ERBB4: variants seen among roughly 807,000 people sequenced by gnomAD.
The protein encoded by ERBB4 is erb-b2 receptor tyrosine kinase 4.
A neutral mutation model predicts 158.0 loss-of-function variants in ERBB4; 42 were observed. That is an observed-to-expected ratio of 0.27 (90% CI 0.21 to 0.34). The LOEUF is 0.34. ERBB4 is among the 10% of genes least tolerant of loss of function. ERBB4 has a pLI of 1.00. For missense variants in ERBB4, 1,333 were observed against 1,624.1 expected (o/e 0.82, Z 3.08); for synonymous variants, 583 against 558.7 (o/e 1.04, Z -0.61).
At chr2:212,097,529 T>C (rs1478339743) in intron 2 of ERBB4, among the ~76,000 whole-genome samples, 2 of 152,116 alleles carry the variant, frequency 1.3e-5, no homozygotes, top group Non-Finnish European at 2.9e-5. Context: ...TAAATGTGGA[T>C]TTAAGAGATA....
chr2:211,391,833 G>A (rs1418176791), intron 25 of ERBB4, among the ~76,000 whole-genome samples: 1 of 152,022 alleles, frequency 6.6e-6, no homozygotes, highest in East Asian at 1.9e-4. Flanking sequence ...TGTATCTTGT[G>A]ATATTTTTAA....
chr2:212,086,954 T>C lies in ERBB4; in HGVS notation c.234+37798A>G, dbSNP rs1360426666. Among the ~76,000 whole-genome samples the C allele has an allele frequency of 2.6e-5, 4 of 152,014 alleles. No homozygotes were observed. The East Asian group carries it at 7.7e-4, about 29-fold the overall frequency. Reference sequence around the variant, plus strand: ...CTGGGAGGCTTCCAACAGTTTCGAATAGAGCCTGTTAGAGACATTACCTCC... The same window carrying C: ...CTGGGAGGCTTCCAACAGTTTCGAACAGAGCCTGTTAGAGACATTACCTCC... On this transcript the variant is annotated intron_variant, in intron 2 of 27. Transcript: ENST00000342788.
At chr2:211,730,485 C>G (rs1295057815) in intron 5 of ERBB4, among the ~76,000 whole-genome samples, 1 of 151,940 alleles carries the variant, frequency 6.6e-6, no homozygotes, top group Non-Finnish European at 1.5e-5. Context: ...CCTCTGTCTT[C>G]TCTCCTTCAG....
intron 3 of ERBB4, among the ~76,000 whole-genome samples, chr2:211,807,165 T>G (rs1024884876): frequency 3.3e-5 from 5 of 152,074 alleles, no homozygotes; most frequent in African/African-American, 1.2e-4. Context: ...TAATTATACT[T>G]TAAGTTCTAG....
intron 3 of ERBB4, among the ~76,000 whole-genome samples, chr2:211,866,308 C>G (rs2078204633): frequency 6.6e-6 from 1 of 152,136 alleles, no homozygotes; most frequent in South Asian, 2.1e-4. Flanking sequence ...GGGTTCCACT[C>G]TGAACTTATG....
intron 20 of ERBB4, among the ~76,000 whole-genome samples, chr2:211,446,736 A>C (rs554207276): frequency 2.1e-4 from 32 of 152,162 alleles, no homozygotes; most frequent in Non-Finnish European, 3.7e-4. Context: ...GAATCAGATA[A>C]AAAAGTGTAT....
intron 1 of ERBB4, among the ~76,000 whole-genome samples, chr2:212,485,570 T>C (rs1689928298): frequency 6.6e-6 from 1 of 152,176 alleles, no homozygotes; most frequent in South Asian, 2.1e-4. Context: ...TACTCCAAGA[T>C]GAATATGTCA....
At chr2:211,985,148 C>T (rs1163042146) in intron 2 of ERBB4, among the ~76,000 whole-genome samples, 1 of 152,106 alleles carries the variant, frequency 6.6e-6, no homozygotes, top group African/African-American at 2.4e-5. Context: ...AGACTCTTAC[C>T]ACTGTCGGAA....
At chr2:211,902,633 G>A (rs981261657) in intron 3 of ERBB4, among the ~76,000 whole-genome samples, 4 of 151,292 alleles carry the variant, frequency 2.6e-5, no homozygotes, top group Non-Finnish European at 5.9e-5. Flanking sequence ...AAATATCTGG[G>A]CAAATAAAGT....
intron 2 of ERBB4, among the ~76,000 whole-genome samples, chr2:212,063,699 TAAAATCAACGAAATAAAC>T (rs1436110583): frequency 1.3e-5 from 2 of 151,980 alleles, no homozygotes; most frequent in Non-Finnish European, 2.9e-5. Flanking sequence ...CAAAACCTAA[TAAAATCAACGAAATAAAC>T]AAAAAGCCAT....
chr2:212,268,146 G>A (rs1300964641), intron 1 of ERBB4, among the ~76,000 whole-genome samples: 1 of 151,838 alleles, frequency 6.6e-6, no homozygotes, highest in Non-Finnish European at 1.5e-5. Context: ...AGTTTGGGAG[G>A]GGGAGCAGAA....
intron 3 of ERBB4, among the ~76,000 whole-genome samples, chr2:211,934,623 A>G (rs983817464): frequency 1.3e-5 from 2 of 151,986 alleles, no homozygotes; most frequent in African/African-American, 4.8e-5. Context: ...GATTTATAGA[A>G]GACATCACCC....
chr2:211,775,273 G>T (rs556178397), intron 4 of ERBB4, among the ~76,000 whole-genome samples: 2 of 152,112 alleles, frequency 1.3e-5, no homozygotes, highest in African/African-American at 4.8e-5. Context: ...TGAGTAGCTC[G>T]TCTGGTTTTG....
intron 3 of ERBB4, among the ~76,000 whole-genome samples, chr2:211,865,229 A>G (rs535866070): frequency 5.4e-4 from 82 of 151,338 alleles, no homozygotes; most frequent in African/African-American, 1.8e-3. Flanking sequence ...GTATATATAG[A>G]TATATCATAA....
At chr2:212,413,200 C>T (rs1560252491) in intron 1 of ERBB4, among the ~76,000 whole-genome samples, 1 of 137,870 alleles carries the variant, frequency 7.3e-6, no homozygotes. Context: ...GTTGGCCAGA[C>T]TGGTCTCGAA....
intron 1 of ERBB4, among the ~76,000 whole-genome samples, chr2:212,130,220 C>T (rs1261310483): frequency 6.6e-6 from 1 of 152,070 alleles, no homozygotes; most frequent in African/African-American, 2.4e-5. Flanking sequence ...TACAATAGTT[C>T]AAGCATCAAA....
Position 211,492,408 on chromosome 2 carries a change from T to C in ERBB4, c.2488-61308A>G, listed in dbSNP as rs146956111. On this transcript the variant is annotated intron_variant, in intron 20 of 27. Coordinates refer to ENST00000342788, the MANE Select transcript of ERBB4 (RefSeq NM_005235.3). ...GTTTCATTTTCCTTATCTGTAAGAT[T>C]AAGCTAATAAAACAGTTTATTGTGA... 4.7e-3 allele frequency among the ~76,000 whole-genome samples: 722 copies of C among 152,252 alleles called. 8 individuals carry two copies. The highest frequency in any genetic ancestry group is 0.016 in the African/African-American group (674 of 41,586).
At chr2:211,879,257 A>T (rs957475662) in intron 3 of ERBB4, among the ~76,000 whole-genome samples, 1 of 152,212 alleles carries the variant, frequency 6.6e-6, no homozygotes, top group Admixed American at 6.5e-5. Flanking sequence ...CTAGAAAAAC[A>T]TATTTGCAAC....
intron 1 of ERBB4, among the ~76,000 whole-genome samples, chr2:212,535,420 G>A (rs1692996491): frequency 6.6e-6 from 1 of 152,014 alleles, no homozygotes; most frequent in Admixed American, 6.6e-5. Flanking sequence ...CCATGATTTT[G>A]GAGATATAAT....
Sources: allele counts gnomAD v4.1 joint callset (sites outside exome capture counted in the v4.1 genomes callset), GRCh38; gene constraint gnomAD v4.1.1; transcripts MANE v1.5; gene names NCBI Gene and HGNC (gene_info 2026-07-23, HGNC 2026-07-21).